The following PPP2R2B variants were observed in gnomAD, a reference collection of about 807,000 sequenced individuals.
The protein encoded by PPP2R2B is serine/threonine-protein phosphatase 2A 55 kDa regulatory subunit B beta isoform.
A neutral mutation model predicts 46.0 loss-of-function variants in PPP2R2B; 5 were observed. That is an observed-to-expected ratio of 0.11 (90% CI 0.06 to 0.23). PPP2R2B has a LOEUF of 0.23. PPP2R2B is among the 10% of genes least tolerant of loss of function. The pLI is 1.00. For synonymous variants in PPP2R2B, 215 were observed against 206.7 expected (o/e 1.04, Z -0.34); for missense variants, 367 against 575.0 (o/e 0.64, Z 3.70).
In PPP2R2B at chr5:146,877,748, T is replaced by C. The variant is rs553661021; in HGVS notation, c.70+254A>G. 7.2e-5 allele frequency among the ~76,000 whole-genome samples: 11 copies of C among 152,226 alleles called. 1 individual carries two copies. In the East Asian group the frequency reaches 2.1e-3, roughly 30 times the overall value. ...ATCTTTCTGGGCGAGAGCCCCACCC[T>C]GAAAAAGCCTAATCCCTGAGGGCCA... On this transcript the variant is annotated intron_variant, in intron 2 of 9. Transcript: ENST00000394411.
chr5:146,668,221 C>G (rs530969971), intron 5 of PPP2R2B, among the ~76,000 whole-genome samples: 1 of 152,120 alleles, frequency 6.6e-6, no homozygotes, highest in Admixed American at 6.6e-5. Context: ...CAACCTGTCA[C>G]TATTTTGACA....
chr5:146,739,634 A>G (rs756903031), intron 2 of PPP2R2B, among the ~76,000 whole-genome samples: 1 of 152,202 alleles, frequency 6.6e-6, no homozygotes, highest in African/African-American at 2.4e-5. Context: ...TAGGAAGAGG[A>G]TGCATCAAAG....
intron 1 of PPP2R2B, among the ~76,000 whole-genome samples, chr5:146,967,904 A>G (rs551170445): frequency 2.0e-5 from 3 of 152,302 alleles, no homozygotes; most frequent in Non-Finnish European, 2.9e-5. Context: ...CAAACAAGCT[A>G]GTGATGGAAA....
intron 5 of PPP2R2B, among the ~76,000 whole-genome samples, chr5:146,655,563 A>G (rs1034751717): frequency 6.6e-6 from 1 of 152,224 alleles, no homozygotes; most frequent in Non-Finnish European, 1.5e-5. Context: ...TACAATCCCT[A>G]TTGCACAGAT....
chr5:146,978,139 T>A (rs1753002817), intron 1 of PPP2R2B, among the ~76,000 whole-genome samples: 1 of 152,346 alleles, frequency 6.6e-6, no homozygotes, highest in African/African-American at 2.4e-5. Context: ...ATAATGAGCA[T>A]TTTTTCATAT....
At chr5:146,762,031 A>G (rs1308925015) in intron 2 of PPP2R2B, among the ~76,000 whole-genome samples, 1 of 152,172 alleles carries the variant, frequency 6.6e-6, no homozygotes, top group Non-Finnish European at 1.5e-5. Flanking sequence ...TCCAGCCTGA[A>G]GACATCTTAG....
intron 5 of PPP2R2B, among the ~76,000 whole-genome samples, chr5:146,668,655 T>C (rs980783992): frequency 2.6e-5 from 4 of 152,264 alleles, no homozygotes; most frequent in Admixed American, 6.5e-5. Flanking sequence ...GAGATCTTTT[T>C]TCTGCAACTT....
chr5:146,825,204 G>A (rs1400015459), intron 2 of PPP2R2B, among the ~76,000 whole-genome samples: 1 of 152,162 alleles, frequency 6.6e-6, no homozygotes, highest in East Asian at 1.9e-4. Context: ...TTCATGCTGT[G>A]TATGGAACAA....
intron 1 of PPP2R2B, among the ~76,000 whole-genome samples, chr5:146,935,267 C>T (rs1764102529): frequency 6.6e-6 from 1 of 152,184 alleles, no homozygotes; most frequent in Non-Finnish European, 1.5e-5. Context: ...GATCCTCATT[C>T]CTTCCATCAT....
chr5:146,932,069 T>C (rs1306522545), intron 1 of PPP2R2B, among the ~76,000 whole-genome samples: 3 of 152,184 alleles, frequency 2.0e-5, no homozygotes, highest in East Asian at 1.9e-4. Flanking sequence ...TTCCTTAGTA[T>C]GTTTGAACTG....
In PPP2R2B at chr5:147,024,507, T is replaced by TA. The variant is rs1014930331; in HGVS notation, c.79+31157dup. ...ATTGAAAAACACAACACACAACACC[T>TA]AAAAAAATACACATTTTTAAAAAGT... On this transcript the variant is annotated intron_variant, in intron 1 of 8. Coordinates refer to the PPP2R2B transcript ENST00000336640. Among the ~76,000 whole-genome samples, 19 of 152,050 alleles carry TA rather than the reference T, an allele frequency of 1.2e-4. 1 individual carries two copies. The South Asian group carries it at 3.1e-3, about 25-fold the overall frequency.
At chr5:147,034,978 G>T (rs1373471676) in intron 1 of PPP2R2B, among the ~76,000 whole-genome samples, 2 of 152,152 alleles carry the variant, frequency 1.3e-5, no homozygotes, top group South Asian at 4.2e-4. Context: ...GTGGGGTGGG[G>T]GGAGGAAGAG....
At chr5:146,740,898 C>T (rs1003165785) in intron 2 of PPP2R2B, among the ~76,000 whole-genome samples, 4 of 152,070 alleles carry the variant, frequency 2.6e-5, no homozygotes, top group African/African-American at 9.7e-5. Context: ...CAAAGGAACA[C>T]ATTAAAAATG....
chr5:146,637,951 C>T (rs945820287), intron 7 of PPP2R2B, among the ~76,000 whole-genome samples: 1 of 152,202 alleles, frequency 6.6e-6, no homozygotes, highest in African/African-American at 2.4e-5. Flanking sequence ...TCCTCAAAGT[C>T]ATTCTCCCCA....
At chr5:146,667,326 GCGCGCGCACACACACA>G (rs1777051031) in intron 5 of PPP2R2B, among the ~76,000 whole-genome samples, 23 of 50,648 alleles carry the variant, frequency 4.5e-4, no homozygotes, top group Admixed American at 1.1e-3. Context: ...GAATAGGCGT[GCGCGCGCACACACACA>G]CACACACACA....
At chr5:146,722,855 T>C (rs1249796012) in intron 2 of PPP2R2B, among the ~76,000 whole-genome samples, 1 of 152,194 alleles carries the variant, frequency 6.6e-6, no homozygotes, top group East Asian at 1.9e-4. Context: ...AGTCTGGCCA[T>C]TTCTTTTGAT....
At chr5:146,988,349 G>A (rs1580760290) in intron 1 of PPP2R2B, among the ~76,000 whole-genome samples, 1 of 152,060 alleles carries the variant, frequency 6.6e-6, no homozygotes, top group South Asian at 2.1e-4. Flanking sequence ...CATTGTCTAA[G>A]ATAGAATGTA....
At chr5:146,856,569 G>T (rs1760683261) in intron 2 of PPP2R2B, 4 of 1,612,280 alleles carry the variant, frequency 2.5e-6, no homozygotes, top group Non-Finnish European at 3.4e-6. Flanking sequence ...TCTGTCTTGG[G>T]TTCTCCCTTG....
chr5:146,679,063 C>CA, intron 5 of PPP2R2B, among the ~76,000 whole-genome samples: 1 of 70,370 alleles, frequency 1.4e-5, no homozygotes, highest in Non-Finnish European at 2.5e-5. Flanking sequence ...CATATGGAAC[C>CA]AAAAAAGAGC....
Sources: gnomAD v4.1 joint callset for allele counts (sites outside exome capture counted in the v4.1 genomes callset) on GRCh38, gnomAD v4.1.1 for gene constraint, MANE v1.5 for transcripts, NCBI Gene and HGNC (gene_info 2026-07-23, HGNC 2026-07-21) for gene names.